MYLK: variants seen among roughly 807,000 people sequenced by gnomAD.
The protein encoded by MYLK is myosin light chain kinase, smooth muscle.
MYLK carries 106 observed loss-of-function variants against 203.4 expected under a neutral mutation model. That is an observed-to-expected ratio of 0.52 (90% confidence interval 0.45 to 0.61). The LOEUF is 0.61. Ranked by LOEUF, MYLK falls within the 20% of genes least tolerant of loss-of-function variation. The pLI is 0.00. For synonymous variants in MYLK, 867 were observed against 959.5 expected (o/e 0.90, Z 1.78); for missense variants, 2,072 against 2,442.3 (o/e 0.85, Z 3.20).
intron 13 of MYLK, among the ~76,000 whole-genome samples, chr3:123,715,511 C>G (rs2061860302): frequency 6.6e-6 from 1 of 152,146 alleles, no homozygotes; most frequent in Non-Finnish European, 1.5e-5. Context: ...CTTTAAAAAC[C>G]TAATATAAAT....
intron 5 of MYLK, among the ~76,000 whole-genome samples, chr3:123,747,011 A>T (rs1379195667): frequency 6.6e-6 from 1 of 152,374 alleles, no homozygotes; most frequent in East Asian, 1.9e-4. Context: ...GGAGGAACAC[A>T]GTAATTTAAA....
chr3:123,789,446 G>A (rs2064682900), intron 4 of MYLK, among the ~76,000 whole-genome samples: 1 of 152,076 alleles, frequency 6.6e-6, no homozygotes, highest in African/African-American at 2.4e-5. Context: ...CCAGCACATG[G>A]GGGAGGTTTG....
At chr3:123,866,542 G>A (rs2032339908) in intron 2 of MYLK, among the ~76,000 whole-genome samples, 1 of 152,142 alleles carries the variant, frequency 6.6e-6, no homozygotes, top group South Asian at 2.1e-4. Flanking sequence ...TTGGATAGGG[G>A]ATAAGTATAA....
At position 123,692,397 on chromosome 3, in the gene MYLK, C is replaced by T. The variant is rs920487481; in HGVS notation, c.3565+338G>A. The T allele has an allele frequency of 3.3e-6, 4 of 1,195,122 alleles. No individual in the cohort carries two copies. In the Admixed American group the frequency reaches 1.1e-4, roughly 32 times the overall value. 74.0% of individuals were successfully genotyped at this position (1,195,122 alleles called of 1,614,324 possible). Reference sequence around the variant, plus strand: ...TGTTTGTTGTGGCTTTTGTAAAATACTCTGTAGTCATTTTCCTGTGGGTGT... The same window carrying T: ...TGTTTGTTGTGGCTTTTGTAAAATATTCTGTAGTCATTTTCCTGTGGGTGT... On this transcript the variant is annotated intron_variant, in intron 19 of 33. Coordinates refer to ENST00000360304, the MANE Select transcript of MYLK (RefSeq NM_053025.4).
At chr3:123,720,595 C>G (rs1425034291) in intron 13 of MYLK, among the ~76,000 whole-genome samples, 2 of 152,202 alleles carry the variant, frequency 1.3e-5, no homozygotes, top group Non-Finnish European at 2.9e-5. Flanking sequence ...ATCTCATTAT[C>G]ACAATTTCCT....
At chr3:123,626,705 GAAAT>G in intron 31 of MYLK, 109 bp downstream of exon 31, 2 of 1,528,912 alleles carry the variant, frequency 1.3e-6, no homozygotes, top group South Asian at 2.3e-5. Context: ...GACTACTTCA[GAAAT>G]AAATTTAAAC....
intron 3 of MYLK, among the ~76,000 whole-genome samples, chr3:123,821,297 C>G (rs927129156): frequency 1.3e-5 from 2 of 152,104 alleles, no homozygotes; most frequent in East Asian, 3.8e-4. Context: ...GGCAGGGTAT[C>G]CCAAGATCTC....
chr3:123,816,147 T>A (rs1350667618), intron 3 of MYLK, among the ~76,000 whole-genome samples: 2 of 152,244 alleles, frequency 1.3e-5, no homozygotes, highest in Admixed American at 1.3e-4. Context: ...GGTGTGCACA[T>A]CAGTATGCAT....
At chr3:123,702,431 G>A (rs2061278026) in intron 16 of MYLK, among the ~76,000 whole-genome samples, 1 of 152,214 alleles carries the variant, frequency 6.6e-6, no homozygotes, top group Non-Finnish European at 1.5e-5. Flanking sequence ...GATATCCACA[G>A]CATGCCAGAG....
chr3:123,729,244 T>C (rs1357469715), intron 11 of MYLK, among the ~76,000 whole-genome samples: 1 of 152,228 alleles, frequency 6.6e-6, no homozygotes, highest in Admixed American at 6.5e-5. Flanking sequence ...CAGAGCCCCT[T>C]GGCAAAGGCT....
At position 123,752,488 on chromosome 3, in the gene MYLK, G is replaced by A. The variant is rs749964128; in HGVS notation, c.216C>T (p.Pro72=). 17 of 1,614,114 alleles carry A rather than the reference G, an allele frequency of 1.1e-5. No homozygotes were observed. The highest frequency in any genetic ancestry group is 1.4e-5 in the Non-Finnish European group (17 of 1,180,036). Residue 72 remains proline, a synonymous_variant, in exon 5 of 34, where the codon CCC becomes CCT. Coordinates refer to ENST00000360304, the MANE Select transcript of MYLK (RefSeq NM_053025.4). ...GCAGGAAGCGGCCCCCGCTGGTGATGGGTTGCCCGTTTCTGTGCCATGTCA... is the reference window on the plus strand; with the variant it reads ...GCAGGAAGCGGCCCCCGCTGGTGATAGGTTGCCCGTTTCTGTGCCATGTCA... ...PQVTWHRNGQ[P]ITSGGRFLLD...
intron 23 of MYLK, among the ~76,000 whole-genome samples, chr3:123,658,176 C>T (rs149632591): frequency 2.6e-3 from 392 of 152,332 alleles, no homozygotes; most frequent in African/African-American, 8.9e-3. Flanking sequence ...TCCTACCCTA[C>T]CTCTTTTATT....
At chr3:123,732,757 T>G in intron 11 of MYLK, 139 bp downstream of exon 11, 1 of 803,090 alleles carries the variant, frequency 1.2e-6, no homozygotes. Flanking sequence ...GGCCTTGGCA[T>G]GTGATTGGGG....
chr3:123,692,152 A>C (rs1409174799), intron 19 of MYLK: 1 of 254,284 alleles, frequency 3.9e-6, no homozygotes, highest in East Asian at 1.3e-4. Context: ...AACTCCGCTA[A>C]GACCTGGCAG....
chr3:123,628,639 C>CGTAG (rs1284010981), intron 30 of MYLK, among the ~76,000 whole-genome samples: 1 of 152,212 alleles, frequency 6.6e-6, no homozygotes, highest in Non-Finnish European at 1.5e-5. Flanking sequence ...GCTCTCCCTA[C>CGTAG]ACATGCAGAG....
At chr3:123,829,866 C>G (rs2066263641) in intron 3 of MYLK, among the ~76,000 whole-genome samples, 1 of 152,244 alleles carries the variant, frequency 6.6e-6, no homozygotes, top group Non-Finnish European at 1.5e-5. Flanking sequence ...TGCCTTTGCA[C>G]TGACCAGATG....
chr3:123,782,359 A>G (rs1416689700), intron 4 of MYLK, among the ~76,000 whole-genome samples: 3 of 152,268 alleles, frequency 2.0e-5, no homozygotes, highest in Non-Finnish European at 4.4e-5. Flanking sequence ...AGAATTCATT[A>G]GTTGCAAGAT....
chr3:123,737,671 C>T (rs1462631185), intron 7 of MYLK, 128 bp from the exon 8 acceptor site: 3 of 1,251,932 alleles, frequency 2.4e-6, no homozygotes, highest in Admixed American at 1.7e-5. Context: ...TGCTGTGGGC[C>T]CTGTCAATGT....
chr3:123,873,406 A>T (rs187341904), intron 2 of MYLK, among the ~76,000 whole-genome samples: 61 of 152,290 alleles, frequency 4.0e-4, no homozygotes, highest in Middle Eastern at 6.8e-3. Flanking sequence ...GTCTGTTTTC[A>T]CCACTCCTGT....
Sources: gnomAD v4.1 joint callset for allele counts (sites outside exome capture counted in the v4.1 genomes callset) on GRCh38, gnomAD v4.1.1 for gene constraint, MANE v1.5 for transcripts, NCBI Gene and HGNC (gene_info 2026-07-23, HGNC 2026-07-21) for gene names.